The following BMP7 variants were observed in gnomAD, a reference collection of about 807,000 sequenced individuals.
BMP7 encodes the protein osteogenic protein 1.
Under a neutral mutation model 41.2 loss-of-function variants are expected in BMP7, and 12 were observed. The observed-to-expected ratio is 0.29, with a 90% CI of 0.19 to 0.47. The LOEUF is 0.47. Among genes scored for constraint, BMP7 ranks in the 20% least tolerant of loss-of-function variants. The probability of loss-of-function intolerance (pLI) is 0.99; values close to 1 mark genes in which losing one functional copy is unlikely to be tolerated. For missense variants in BMP7, 467 were observed against 606.0 expected (o/e 0.77, Z 2.41); for synonymous variants, 248 against 250.0 (o/e 0.99, Z 0.07).
chr20:57,217,182 C>T (rs1311053294), intron 2 of BMP7, among the ~76,000 whole-genome samples: 1 of 152,096 alleles, frequency 6.6e-6, no homozygotes, highest in Admixed American at 6.5e-5. Flanking sequence ...CCAAACCACC[C>T]CACCCACCCT....
At chr20:57,247,577 G>A (rs1168505230) in intron 1 of BMP7, among the ~76,000 whole-genome samples, 1 of 152,156 alleles carries the variant, frequency 6.6e-6, no homozygotes, top group Non-Finnish European at 1.5e-5. Context: ...AGTCTCCCAC[G>A]GGAATAAGCA....
intron 2 of BMP7, among the ~76,000 whole-genome samples, chr20:57,216,537 GT>G (rs1985028404): frequency 6.7e-6 from 1 of 150,238 alleles, no homozygotes; most frequent in African/African-American, 2.5e-5. Context: ...CGAGGGGGCT[GT>G]CTCCTGAGGG....
At chr20:57,180,497 G>A (rs1294812195) in intron 4 of BMP7, among the ~76,000 whole-genome samples, 4 of 152,108 alleles carry the variant, frequency 2.6e-5, no homozygotes, top group Admixed American at 6.5e-5. Flanking sequence ...GATGGGCTGC[G>A]TTCCCTAGGC....
rs1049517553 is a variant in BMP7 at position 57,170,715 on chromosome 20, GT to G, written c.*243del. On this transcript the variant is annotated 3_prime_UTR_variant, in exon 7 of 7. Transcript: ENST00000395863. ...GCCCGGCCATTTTTCTTTATGCGTT[GT>G]TTTTTTTTCCTGCTAGGTTTTGCCT... is the stretch of plus-strand genomic sequence containing the variant. 1.8e-4 allele frequency: 90 copies of G among 493,442 alleles called. No homozygotes were observed. Among genetic ancestry groups the G allele is most frequent in the East Asian group, 1.8e-3 (44 of 24,332 alleles). 30.6% of individuals were successfully genotyped at this position (493,442 alleles called of 1,614,324 possible). A position where few individuals can be genotyped will look rare whatever the true frequency, so the allele number is the denominator to read the frequency against.
Position 57,169,537 on chromosome 20 carries a change from C to G in BMP7, c.*1422G>C, listed in dbSNP as rs1476505130. ...AATGTAAGTCCAGCACATCCTGCAC[C>G]CATCAGACCTCCTATTATGCCATCT... On this transcript the variant is annotated 3_prime_UTR_variant, in exon 7 of 7. Coordinates refer to ENST00000395863, the MANE Select transcript of BMP7 (RefSeq NM_001719.3). 2 of 152,206 alleles carry G rather than the reference C, an allele frequency of 1.3e-5. No homozygotes were observed. The highest frequency in any genetic ancestry group is 1.3e-4 in the Admixed American group (2 of 15,282). The allele number at this position is 152,206 out of a possible 1,614,324, so 9.4% of individuals were successfully genotyped here. A position where few individuals can be genotyped will look rare whatever the true frequency, so the allele number is the denominator to read the frequency against.
intron 1 of BMP7, among the ~76,000 whole-genome samples, chr20:57,264,849 T>C (rs1460766600): frequency 6.6e-6 from 1 of 151,706 alleles, no homozygotes; most frequent in Non-Finnish European, 1.5e-5. Context: ...CTGCCTAACA[T>C]GGAGAAACCC....
In BMP7 at chr20:57,178,671, C is replaced by T. The variant is rs548297253; in HGVS notation, c.959-3664G>A. 2.6e-5 allele frequency among the ~76,000 whole-genome samples: 4 copies of T among 152,278 alleles called. No individual in the cohort carries two copies. The South Asian group carries it at 8.3e-4, about 32-fold the overall frequency. ...ATGCCCAGGGCCACAGGTAGCCATGCCCCTCCACGAGCCTCCTCCCTCTTC... is the reference window on the plus strand; with the variant it reads ...ATGCCCAGGGCCACAGGTAGCCATGTCCCTCCACGAGCCTCCTCCCTCTTC... On this transcript the variant is annotated intron_variant, in intron 4 of 6. Coordinates refer to ENST00000395863, the MANE Select transcript of BMP7 (RefSeq NM_001719.3).
At chr20:57,207,669 G>C (rs1291554143) in intron 2 of BMP7, among the ~76,000 whole-genome samples, 1 of 152,178 alleles carries the variant, frequency 6.6e-6, no homozygotes, top group African/African-American at 2.4e-5. Context: ...ATGATAGGAA[G>C]GTGCTAAGAA....
At chr20:57,252,470 T>A (rs545269592) in intron 1 of BMP7, among the ~76,000 whole-genome samples, 1 of 152,316 alleles carries the variant, frequency 6.6e-6, no homozygotes, top group African/African-American at 2.4e-5. Context: ...AAGAGAGAGA[T>A]CTGCCCTATT....
intron 4 of BMP7, among the ~76,000 whole-genome samples, chr20:57,182,639 C>T (rs1427196640): frequency 6.6e-6 from 1 of 152,230 alleles, no homozygotes; most frequent in Non-Finnish European, 1.5e-5. Flanking sequence ...CTACACTGTG[C>T]CCTTAGACAA....
rs189088438 is a variant in BMP7 at position 57,204,730 on chromosome 20, C to T, written c.612-2107G>A. On this transcript the variant is annotated intron_variant, in intron 2 of 6. Coordinates refer to ENST00000395863, the MANE Select transcript of BMP7 (RefSeq NM_001719.3). ...CACAGCAATGGACGCATCACCAGGA[C>T]CACAGATGGGCGCAGGAGTCACCTC... Among the ~76,000 whole-genome samples the T allele has an allele frequency of 6.6e-5, 10 of 152,332 alleles. No individual in the cohort carries two copies. The East Asian group carries it at 1.9e-3, about 29-fold the overall frequency.
At chr20:57,247,279 T>C (rs1408643651) in intron 1 of BMP7, among the ~76,000 whole-genome samples, 3 of 152,196 alleles carry the variant, frequency 2.0e-5, no homozygotes, top group Non-Finnish European at 4.4e-5. Context: ...AACATATGAC[T>C]AAGAACCCCA....
At chr20:57,210,803 G>C (rs1163379469) in intron 2 of BMP7, among the ~76,000 whole-genome samples, 1 of 152,236 alleles carries the variant, frequency 6.6e-6, no homozygotes, top group East Asian at 1.9e-4. Context: ...AGCCATCCAG[G>C]GTCTTAGGAG....
chr20:57,186,308 G>C (rs1984210069), intron 3 of BMP7, among the ~76,000 whole-genome samples: 1 of 152,154 alleles, frequency 6.6e-6, no homozygotes, highest in South Asian at 2.1e-4. Context: ...CACCAACAGG[G>C]TATGGGGTCC....
chr20:57,195,859 GCTC>G (rs1410027485), intron 3 of BMP7, among the ~76,000 whole-genome samples: 2 of 152,178 alleles, frequency 1.3e-5, no homozygotes, highest in Non-Finnish European at 2.9e-5. Flanking sequence ...AAATGCACAT[GCTC>G]CTGACCCCCA....
rs764205529 is a variant in BMP7, at chr20:57,171,068, C to T, written c.1187G>A (p.Cys396Tyr). Residue 396 changes from cysteine (C) to tyrosine (Y), a missense_variant, in exon 7 of 7, where the codon TGT becomes TAT. Cys to Tyr is a radical substitution (Grantham distance 194). Transcript: ENST00000395863. The surrounding 1 kb of genome is among the most constrained non-coding windows in gnomAD (Gnocchi z 4.5). ...GATGGCATTGAGCTGCGTGGGCGCA[C>T]AGCAGGGCTTGGGCACCGTTTCCGG... Reference protein sequence around the residue: ...INPETVPKPCCAPTQLNAISV... With the variant: ...INPETVPKPCYAPTQLNAISV... 1.9e-6 allele frequency: 3 copies of T among 1,614,226 alleles called. No homozygotes were observed. Among genetic ancestry groups the T allele is most frequent in the Non-Finnish European group, 1.7e-6 (2 of 1,180,038 alleles).
intron 2 of BMP7, among the ~76,000 whole-genome samples, chr20:57,210,752 G>A (rs962603139): frequency 2.0e-5 from 3 of 152,250 alleles, no homozygotes; most frequent in South Asian, 2.1e-4. Flanking sequence ...TCCTGTCTGC[G>A]CCCACCATCG....
chr20:57,225,143 G>A (rs1985281008), intron 2 of BMP7, among the ~76,000 whole-genome samples: 1 of 152,234 alleles, frequency 6.6e-6, no homozygotes, highest in South Asian at 2.1e-4. Context: ...GAGGCCTTCA[G>A]CTGGAAGAAG....
At chr20:57,234,324 C>T (rs1051979904) in intron 1 of BMP7, among the ~76,000 whole-genome samples, 1 of 152,206 alleles carries the variant, frequency 6.6e-6, no homozygotes, top group Non-Finnish European at 1.5e-5. Context: ...GGATGTAATC[C>T]AGTGCTCTGG....
Sources: allele counts gnomAD v4.1 joint callset (sites outside exome capture counted in the v4.1 genomes callset), GRCh38; gene constraint gnomAD v4.1.1; non-coding constraint Gnocchi (gnomAD v3.1); transcripts MANE v1.5; gene names NCBI Gene and HGNC (gene_info 2026-07-23, HGNC 2026-07-21).